RBMS3: variants seen among roughly 807,000 people sequenced by gnomAD.
RBMS3 encodes RNA-binding motif, single-stranded-interacting protein 3.
A neutral mutation model predicts 66.8 loss-of-function variants in RBMS3; 27 were observed. The ratio of observed to expected loss-of-function variants is 0.40; its 90% CI spans 0.30 to 0.56. RBMS3 has a LOEUF of 0.56. RBMS3 is among the 20% of genes least tolerant of loss of function. The pLI is 0.40. For missense variants in RBMS3, 513 were observed against 549.5 expected, an observed-to-expected ratio of 0.93 and a Z score of 0.66; for synonymous variants, 188 against 183.0, an observed-to-expected ratio of 1.03 and a Z score of -0.22.
chr3:29,339,872 G>T (rs1304083707), intron 1 of RBMS3, among the ~76,000 whole-genome samples: 1 of 152,104 alleles, frequency 6.6e-6, no homozygotes, highest in Non-Finnish European at 1.5e-5. Context: ...TATGTTGTCT[G>T]ACTATGCATC....
chr3:29,390,905 G>A (rs781038753), intron 1 of RBMS3: 1 of 174,424 alleles, frequency 5.7e-6, no homozygotes, highest in Non-Finnish European at 1.3e-5. Flanking sequence ...TGCTTTGCAA[G>A]AGGAGCTGAA....
In RBMS3 at chr3:29,653,455, G is replaced by A. The variant is rs184180408; in HGVS notation, c.399+66250G>A. 6.8e-4 allele frequency among the ~76,000 whole-genome samples: 103 copies of A among 152,202 alleles called. 1 individual carries two copies. Among genetic ancestry groups the A allele is most frequent in the Admixed American group, 3.9e-3 (59 of 15,274 alleles). The stretch of plus-strand genomic sequence containing the variant: ...GTCTGAAGGATGATACAGAACTGAC[G>A]GTAAACCTCTCTGAACCATGTTTAA... On this transcript the variant is annotated intron_variant, in intron 4 of 14. Coordinates refer to ENST00000383767, the MANE Select transcript of RBMS3 (RefSeq NM_001003793.3).
intron 6 of RBMS3, among the ~76,000 whole-genome samples, chr3:29,865,090 AAGGG>A (rs1039081623): frequency 6.3e-4 from 79 of 124,522 alleles, no homozygotes; most frequent in East Asian, 4.8e-3. Context: ...GGAAGAAAGG[AAGGG>A]AGGGAGGGAG....
intron 1 of RBMS3, among the ~76,000 whole-genome samples, chr3:29,414,483 C>G (rs1043087289): frequency 3.3e-5 from 5 of 152,162 alleles, no homozygotes; most frequent in Admixed American, 3.3e-4. Context: ...AATGCTTTTT[C>G]GTGAAACATA....
chr3:29,487,960 C>G (rs1319251465), intron 2 of RBMS3, among the ~76,000 whole-genome samples: 1 of 152,086 alleles, frequency 6.6e-6, no homozygotes, highest in Non-Finnish European at 1.5e-5. Context: ...AGTGGATTCC[C>G]AAAGACATAA....
intron 1 of RBMS3, among the ~76,000 whole-genome samples, chr3:29,328,102 T>C (rs76001449): frequency 0.048 from 7,253 of 152,318 alleles, 228 homozygotes; most frequent in East Asian, 0.12. Flanking sequence ...GTCTTGCTAA[T>C]GGCACCATGC....
At chr3:29,959,028 G>A (rs900658269) in intron 12 of RBMS3, among the ~76,000 whole-genome samples, 1 of 152,128 alleles carries the variant, frequency 6.6e-6, no homozygotes, top group Non-Finnish European at 1.5e-5. Context: ...GAATTCGACT[G>A]CTCAATAGAA....
intron 13 of RBMS3, among the ~76,000 whole-genome samples, chr3:29,989,987 G>GGAAACAGTCTAATTATATT (rs1246025394): frequency 2.6e-5 from 4 of 152,044 alleles, no homozygotes; most frequent in African/African-American, 9.6e-5. Context: ...GTGGCTTATT[G>GGAAACAGTCTAATTATATT]GAAACAGTCT....
At chr3:29,784,010 G>A (rs1272641919) in intron 6 of RBMS3, among the ~76,000 whole-genome samples, 2 of 151,946 alleles carry the variant, frequency 1.3e-5, no homozygotes, top group Non-Finnish European at 2.9e-5. Context: ...AATTTTAAAT[G>A]TATATGTACC....
At chr3:29,935,934 G>A in intron 10 of RBMS3, 152 bp from the exon 11 acceptor site, 1 of 606,796 alleles carries the variant, frequency 1.6e-6, no homozygotes, top group Non-Finnish European at 2.9e-6. Flanking sequence ...GACATGAATG[G>A]ACATAAAAAT....
intron 12 of RBMS3, among the ~76,000 whole-genome samples, chr3:29,949,713 A>G (rs1695550970): frequency 6.6e-6 from 1 of 151,590 alleles, no homozygotes; most frequent in Non-Finnish European, 1.5e-5. Context: ...TATAATAGTG[A>G]TATATTAAAA....
intron 1 of RBMS3, among the ~76,000 whole-genome samples, chr3:29,358,286 C>G (rs994414086): frequency 1.3e-4 from 20 of 152,154 alleles, no homozygotes; most frequent in Non-Finnish European, 2.2e-4. Context: ...TTCCCAGCAC[C>G]ATTTGTTAAA....
intron 12 of RBMS3, among the ~76,000 whole-genome samples, chr3:29,971,845 A>G (rs1241985488): frequency 1.3e-5 from 2 of 152,086 alleles, no homozygotes; most frequent in Non-Finnish European, 2.9e-5. Context: ...ATTTGGACTC[A>G]GATTGAGAGA....
intron 3 of RBMS3, among the ~76,000 whole-genome samples, chr3:29,584,375 A>G (rs1195065062): frequency 2.0e-5 from 3 of 151,974 alleles, no homozygotes; most frequent in Non-Finnish European, 4.4e-5. Flanking sequence ...TATTTCTTTT[A>G]TACTTACTCT....
At chr3:29,449,529 T>C (rs1207690024) in intron 2 of RBMS3, among the ~76,000 whole-genome samples, 2 of 152,238 alleles carry the variant, frequency 1.3e-5, no homozygotes, top group African/African-American at 4.8e-5. Flanking sequence ...GTATAATAAT[T>C]CTCAGACTTT....
intron 3 of RBMS3, among the ~76,000 whole-genome samples, chr3:29,507,847 T>C (rs1440844665): frequency 6.6e-6 from 1 of 152,110 alleles, no homozygotes; most frequent in African/African-American, 2.4e-5. Flanking sequence ...AGGGTTCTTG[T>C]GTGGTGAGGT....
At chr3:29,442,619 G>C (rs75637346) in intron 2 of RBMS3, among the ~76,000 whole-genome samples, 3,145 of 152,220 alleles carry the variant, frequency 0.021, 47 homozygotes, top group Admixed American at 0.045. Context: ...TGGAATTCTA[G>C]GCAGATCTCA....
chr3:29,567,206 C>T (rs1447515483), intron 3 of RBMS3, among the ~76,000 whole-genome samples: 1 of 152,048 alleles, frequency 6.6e-6, no homozygotes, highest in East Asian at 1.9e-4. Flanking sequence ...ATAAAAGAAC[C>T]TCACTGAGCA....
chr3:29,906,167 G>C (rs987249184), intron 10 of RBMS3, among the ~76,000 whole-genome samples: 4 of 151,988 alleles, frequency 2.6e-5, no homozygotes, highest in Admixed American at 6.6e-5. Context: ...ATTGCTTAAT[G>C]TTTTCCTGGC....
Sources: allele counts gnomAD v4.1 joint callset (sites outside exome capture counted in the v4.1 genomes callset), GRCh38; gene constraint gnomAD v4.1.1; transcripts MANE v1.5; gene names NCBI Gene and HGNC (gene_info 2026-07-23, HGNC 2026-07-21).